Variants in DNAJC7 observed in about 807,000 individuals in gnomAD.
DNAJC7 encodes DnaJ heat shock protein family (Hsp40) member C7.
Under a neutral mutation model 67.4 loss-of-function variants are expected in DNAJC7, and 18 were observed. The observed-to-expected ratio is 0.27, with a 90% confidence interval of 0.18 to 0.40. The LOEUF is 0.40. Ranked by LOEUF, DNAJC7 falls within the 10% of genes least tolerant of loss-of-function variation. The probability of loss-of-function intolerance (pLI) is 1.00; values close to 1 mark genes in which losing one functional copy is unlikely to be tolerated. For missense variants in DNAJC7, 419 were observed against 613.8 expected (o/e 0.68, Z 3.35); for synonymous variants, 220 against 207.8 (o/e 1.06, Z -0.50).
chr17:41,990,125 T>A (rs905062968), intron 6 of DNAJC7, 139 bp downstream of exon 6: 3 of 753,398 alleles, frequency 4.0e-6, no homozygotes, highest in African/African-American at 1.7e-5. Flanking sequence ...GCTGGTCTAA[T>A]CTTTGACTTT....
At chr17:42,017,313 T>G in intron 1 of DNAJC7, 27 bp downstream of exon 1, 1 of 1,610,856 alleles carries the variant, frequency 6.2e-7, no homozygotes, top group Non-Finnish European at 8.5e-7. Flanking sequence ...GCAGGTCGCC[T>G]CCTCTACTAC....
At chr17:41,990,874 G>T (rs1325123183) in intron 5 of DNAJC7, among the ~76,000 whole-genome samples, 1 of 151,982 alleles carries the variant, frequency 6.6e-6, no homozygotes, top group African/African-American at 2.4e-5. Flanking sequence ...GTTTCACCAT[G>T]TTAGCCATGA....
intron 1 of DNAJC7, among the ~76,000 whole-genome samples, chr17:42,005,551 T>C (rs996744926): frequency 6.6e-6 from 1 of 152,220 alleles, no homozygotes; most frequent in African/African-American, 2.4e-5. Context: ...CTCTCTGGAA[T>C]TGCTTGACAT....
Position 41,976,785 on chromosome 17 carries a change from A to C in DNAJC7, c.1448-15T>G. 1 of 1,607,480 alleles carries C rather than the reference A, an allele frequency of 6.2e-7. No individual in the cohort carries two copies. Among genetic ancestry groups the C allele is most frequent in the East Asian group, 2.2e-5 (1 of 44,806 alleles). ...TGGACCAGATGCTGAAAGAGAAAAG[A>C]GGGGTTGGTAGTTGGCTATGGATTT... On this transcript the variant is annotated splice_polypyrimidine_tract_variant and intron_variant, in intron 13 of 13. Coordinates refer to ENST00000457167, the MANE Select transcript of DNAJC7 (RefSeq NM_003315.4).
chr17:41,990,823 C>T (rs1158049502), intron 5 of DNAJC7, among the ~76,000 whole-genome samples: 4 of 152,038 alleles, frequency 2.6e-5, no homozygotes, highest in East Asian at 3.9e-4. Context: ...CCCGCCACCA[C>T]GCCCAAGCTA....
At chr17:42,002,963 T>TTTA (rs2051848750) in intron 1 of DNAJC7, among the ~76,000 whole-genome samples, 1 of 152,216 alleles carries the variant, frequency 6.6e-6, no homozygotes, top group Admixed American at 6.5e-5. Flanking sequence ...ATGCAAGACC[T>TTTA]AGTGAACTGG....
Position 41,983,678 on chromosome 17 carries a change from T to G in DNAJC7, c.1011-42A>C, listed in dbSNP as rs1555646342. On this transcript the variant is annotated intron_variant, in intron 9 of 13. Transcript: ENST00000457167. ...AGGCAATACAGCACTAAGACATAAATAGCAGTGGTTCTCAGGATCACTCTA... is the reference window on the plus strand; with the variant it reads ...AGGCAATACAGCACTAAGACATAAAGAGCAGTGGTTCTCAGGATCACTCTA... 1.9e-6 allele frequency: 3 copies of G among 1,552,338 alleles called. No individual in the cohort carries two copies. In the Admixed American group the frequency reaches 5.7e-5, roughly 30 times the overall value.
chr17:41,995,389 T>C (rs1177608281), intron 4 of DNAJC7, among the ~76,000 whole-genome samples: 2 of 152,232 alleles, frequency 1.3e-5, no homozygotes, highest in Non-Finnish European at 2.9e-5. Context: ...TGCCAGGGAT[T>C]GAGCATATGT....
chr17:42,004,284 G>A (rs1300679591), intron 1 of DNAJC7, among the ~76,000 whole-genome samples: 1 of 152,074 alleles, frequency 6.6e-6, no homozygotes, highest in Non-Finnish European at 1.5e-5. Context: ...CTTCTGAGGT[G>A]GTTATGGCAA....
At chr17:42,008,140 C>T (rs1433944139) in intron 1 of DNAJC7, among the ~76,000 whole-genome samples, 1 of 151,298 alleles carries the variant, frequency 6.6e-6, no homozygotes, top group Non-Finnish European at 1.5e-5. Flanking sequence ...TGGTGAAACC[C>T]CATCTCTACA....
rs782560378 is a variant in DNAJC7 at position 41,997,244 on chromosome 17, A to G, written c.167-5T>C. ...TAGCATTTTTAGGACACATATCTAT[A>G]GGAAAGGCAGAAGAACGTAAAACAA... is the stretch of plus-strand genomic sequence containing the variant. On this transcript the variant is annotated splice_polypyrimidine_tract_variant and splice_region_variant and intron_variant, in intron 2 of 13. Transcript: ENST00000457167. The G allele has an allele frequency of 6.2e-7, 1 of 1,613,034 alleles. No individual in the cohort carries two copies. Among genetic ancestry groups the G allele is most frequent in the South Asian group, 1.1e-5 (1 of 90,960 alleles).
At chr17:41,994,787 A>C (rs2051611641) in intron 5 of DNAJC7, 83 bp downstream of exon 5, 1 of 1,177,170 alleles carries the variant, frequency 8.5e-7, no homozygotes, top group East Asian at 2.3e-5. Context: ...GTGCCATACT[A>C]CTCCTCTTAA....
chr17:41,978,698 A>C (rs1274501473), intron 12 of DNAJC7, among the ~76,000 whole-genome samples: 1 of 152,086 alleles, frequency 6.6e-6, no homozygotes, highest in Non-Finnish European at 1.5e-5. Context: ...TCTCTACTAA[A>C]AAAAATAAAA....
chr17:42,017,350 C>T lies in DNAJC7; in HGVS notation c.67G>A (p.Glu23Lys). 1 of 1,611,834 alleles carries T rather than the reference C, an allele frequency of 6.2e-7. No homozygotes were observed. The highest frequency in any genetic ancestry group is 8.5e-7 in the Non-Finnish European group (1 of 1,179,890). Residue 23 changes from glutamate to lysine, a missense_variant, in exon 1 of 14, where the codon GAG becomes AAG. By Grantham distance (56) the Glu-to-Lys change is moderately conservative. This residue lies in a region of DNAJC7 where 63 missense variants were observed against 54.0 expected (regional missense o/e 1.17). Coordinates refer to ENST00000457167, the MANE Select transcript of DNAJC7 (RefSeq NM_003315.4). ...CTGCTACCCGGTTACCTCTTCGCCT[C>T]TTGGTCGTCGAGCAGCTCCGGCTCG... Reference protein sequence around the residue: ...ATEPELLDDQEAKREAETFKE... With the variant: ...ATEPELLDDQKAKREAETFKE...
intron 5 of DNAJC7, among the ~76,000 whole-genome samples, chr17:41,993,295 T>TA (rs1555648041): frequency 6.6e-6 from 1 of 151,886 alleles, no homozygotes; most frequent in African/African-American, 2.4e-5. Context: ...CTGTCTCTAC[T>TA]AAAAACACAA....
chr17:41,989,893 T>G (rs1450297045), intron 6 of DNAJC7, among the ~76,000 whole-genome samples: 1 of 152,226 alleles, frequency 6.6e-6, no homozygotes, highest in East Asian at 1.9e-4. Context: ...AGGGCAACCT[T>G]TGCACTGCAA....
chr17:41,991,886 G>T (rs1329242745), intron 5 of DNAJC7, among the ~76,000 whole-genome samples: 1 of 152,172 alleles, frequency 6.6e-6, no homozygotes, highest in Non-Finnish European at 1.5e-5. Flanking sequence ...TCAATAAGTT[G>T]CCCAGGTTGG....
chr17:42,007,083 CAG>C (rs1218014049), intron 1 of DNAJC7, among the ~76,000 whole-genome samples: 7 of 149,852 alleles, frequency 4.7e-5, no homozygotes, highest in African/African-American at 1.5e-4. Context: ...GCCTGGGCAA[CAG>C]AGCAAGATCC....
At chr17:42,014,146 ATTTT>A (rs782300554) in intron 1 of DNAJC7, 1 of 149,184 alleles carries the variant, frequency 6.7e-6, no homozygotes, top group Non-Finnish European at 1.5e-5. Flanking sequence ...AGTTAAACTG[ATTTT>A]TTTGTTTATT....
Sources: gnomAD v4.1 joint callset for allele counts (sites outside exome capture counted in the v4.1 genomes callset) on GRCh38, gnomAD v4.1.1 for gene constraint, gnomAD v4.1.1 regional missense constraint, MANE v1.5 for transcripts, NCBI Gene and HGNC (gene_info 2026-07-23, HGNC 2026-07-21) for gene names.